Variants in PLCE1 observed in about 807,000 individuals in gnomAD.
The protein encoded by PLCE1 is 1-phosphatidylinositol 4,5-bisphosphate phosphodiesterase epsilon-1.
A neutral mutation model predicts 242.8 loss-of-function variants in PLCE1; 119 were observed. The observed-to-expected ratio is 0.49, with a 90% CI of 0.42 to 0.57. The LOEUF is 0.57. PLCE1 is among the 20% of genes least tolerant of loss of function. PLCE1 has a pLI of 0.00. For missense variants in PLCE1, 2,441 were observed against 2,788.8 expected (o/e 0.88, Z 2.81); for synonymous variants, 945 against 1,017.4 (o/e 0.93, Z 1.35).
At chr10:94,220,680 G>C (rs117581641) in intron 4 of PLCE1, among the ~76,000 whole-genome samples, 128 of 152,096 alleles carry the variant, frequency 8.4e-4, no homozygotes, top group Non-Finnish European at 1.7e-3. Context: ...TGCAGCAGCA[G>C]AGCAGTCACA....
rs1251575133 is a variant in PLCE1, at chr10:94,273,588, T to C, written c.4533T>C (p.Thr1511=). The change falls in exon 19 of 33, where the codon ACT becomes ACC. Residue 1511 remains threonine (T), a synonymous_variant. Coordinates refer to ENST00000371380, the MANE Select transcript of PLCE1 (RefSeq NM_016341.4). ...CTGTGTTTGGAGAAAAGCTGGTGAC[T>C]AAATTCTTATTTGAGACTGATTTCT... is the stretch of plus-strand genomic sequence containing the variant. The part of the protein sequence containing the change: ...FKTVFGEKLV[T]KFLFETDFSD... 3 of 1,613,770 alleles carry C rather than the reference T, an allele frequency of 1.9e-6. No individual in the cohort carries two copies. The highest frequency in any genetic ancestry group is 1.3e-5 in the African/African-American group (1 of 74,934).
intron 2 of PLCE1, among the ~76,000 whole-genome samples, chr10:94,063,653 C>G (rs1311439404): frequency 1.3e-5 from 2 of 152,004 alleles, no homozygotes; most frequent in Non-Finnish European, 2.9e-5. Flanking sequence ...GTGGCAAACA[C>G]GATGTGGTTC....
intron 2 of PLCE1, 76 bp downstream of exon 2, chr10:94,032,328 T>A: frequency 7.6e-7 from 1 of 1,320,254 alleles, no homozygotes; most frequent in Non-Finnish European, 1.1e-6. Context: ...ATTTCCATTG[T>A]CATAATTGAT....
At chr10:94,044,742 G>A in intron 2 of PLCE1, among the ~76,000 whole-genome samples, 1 of 152,186 alleles carries the variant, frequency 6.6e-6, no homozygotes, top group East Asian at 1.9e-4. Context: ...AACCTGCCCA[G>A]CCCCACATGG....
chr10:94,285,688 C>T (rs899406434), intron 22 of PLCE1, among the ~76,000 whole-genome samples: 2 of 152,106 alleles, frequency 1.3e-5, no homozygotes, highest in African/African-American at 2.4e-5. Context: ...CTCATTGGGT[C>T]CTTTACCAAT....
intron 4 of PLCE1, among the ~76,000 whole-genome samples, chr10:94,175,936 G>A (rs1179891594): frequency 6.6e-6 from 1 of 152,076 alleles, no homozygotes; most frequent in Non-Finnish European, 1.5e-5. Context: ...ATATATATGT[G>A]CTACATTTTC....
intron 26 of PLCE1, among the ~76,000 whole-genome samples, chr10:94,307,210 C>G (rs1228686078): frequency 6.6e-6 from 1 of 152,162 alleles, no homozygotes; most frequent in Non-Finnish European, 1.5e-5. Context: ...TCAGCCTGTG[C>G]ATTGTTTTTA....
chr10:94,242,027 G>T (rs749407846), intron 7 of PLCE1, among the ~76,000 whole-genome samples: 1 of 152,102 alleles, frequency 6.6e-6, no homozygotes, highest in Non-Finnish European at 1.5e-5. Context: ...GGCTCAGAGA[G>T]GTTGAGTGTT....
intron 2 of PLCE1, among the ~76,000 whole-genome samples, chr10:94,056,623 T>TA (rs1220337818): frequency 6.6e-6 from 1 of 152,186 alleles, no homozygotes; most frequent in African/African-American, 2.4e-5. Context: ...TCTTAGCCTT[T>TA]AAAAAATAAT....
chr10:94,056,061 G>T (rs1322510813), intron 2 of PLCE1, among the ~76,000 whole-genome samples: 1 of 152,190 alleles, frequency 6.6e-6, no homozygotes, highest in Non-Finnish European at 1.5e-5. Context: ...TCTGTAGTGT[G>T]GCTATTCTAT....
chr10:94,271,955 A>G (rs979238213), intron 18 of PLCE1, among the ~76,000 whole-genome samples: 6 of 152,194 alleles, frequency 3.9e-5, no homozygotes, highest in African/African-American at 1.4e-4. Flanking sequence ...AGTAGGTCAC[A>G]TGCTTCAAGG....
chr10:94,286,046 G>A (rs1196087856), intron 22 of PLCE1, among the ~76,000 whole-genome samples: 1 of 152,116 alleles, frequency 6.6e-6, no homozygotes, highest in African/African-American at 2.4e-5. Context: ...GCACCAGGGG[G>A]TAGAAGACAA....
Position 94,324,374 on chromosome 10 carries a change from A to G in PLCE1, c.6527A>G (p.Tyr2176Cys). ...QQTLCKAKYS[Y>C]SILSNPNPSD... ...ACCTTATGCAAAGCCAAATATTCCT[A>G]CAGCATCCTGAGCAACCCCAATCCA... Residue 2176 changes from tyrosine to cysteine, a missense_variant, in exon 31 of 33, where the codon TAC becomes TGC. Tyr to Cys is a radical substitution (Grantham distance 194). This residue lies in a region of PLCE1 where 310 missense variants were observed against 317.2 expected (regional missense o/e 0.98). Coordinates refer to ENST00000371380, the MANE Select transcript of PLCE1 (RefSeq NM_016341.4). 1 of 1,614,096 alleles carries G rather than the reference A, an allele frequency of 6.2e-7. No individual in the cohort carries two copies. The highest frequency in any genetic ancestry group is 8.5e-7 in the Non-Finnish European group (1 of 1,179,988).
chr10:94,138,505 G>T, intron 3 of PLCE1: 2 of 467,288 alleles, frequency 4.3e-6, no homozygotes, highest in Non-Finnish European at 4.3e-6. Flanking sequence ...CCGTAGTAAT[G>T]GAGATGTTCC....
chr10:94,254,881 T>C lies in PLCE1; in HGVS notation c.3398-12T>C. The C allele has an allele frequency of 3.7e-6, 6 of 1,613,856 alleles. No homozygotes were observed. The highest frequency in any genetic ancestry group is 5.1e-6 in the Non-Finnish European group (6 of 1,179,738). ...TGAGTCATTCTCTCTTTTCTGTCTT[T>C]CATCCTCACAGAGGTGAATGCCATC... On this transcript the variant is annotated splice_polypyrimidine_tract_variant and intron_variant, in intron 10 of 32. Coordinates refer to ENST00000371380, the MANE Select transcript of PLCE1 (RefSeq NM_016341.4).
At chr10:94,016,142 C>T (rs1420272347) in intron 1 of PLCE1, among the ~76,000 whole-genome samples, 1 of 152,042 alleles carries the variant, frequency 6.6e-6, no homozygotes, top group Non-Finnish European at 1.5e-5. Flanking sequence ...CCTTTTAAAA[C>T]ATAACATTTA....
chr10:94,080,983 A>G (rs966840545), intron 2 of PLCE1, among the ~76,000 whole-genome samples: 2 of 152,212 alleles, frequency 1.3e-5, no homozygotes, highest in African/African-American at 4.8e-5. Flanking sequence ...GACAATTGCC[A>G]CATGAATTGT....
At chr10:94,168,422 C>T (rs2047875447) in intron 3 of PLCE1, among the ~76,000 whole-genome samples, 1 of 152,162 alleles carries the variant, frequency 6.6e-6, no homozygotes. Context: ...TTTAAGGAAA[C>T]CTACATGAAA....
intron 4 of PLCE1, among the ~76,000 whole-genome samples, chr10:94,187,068 A>C: frequency 6.6e-6 from 1 of 151,842 alleles, no homozygotes; most frequent in South Asian, 2.1e-4. Context: ...AATGATAATA[A>C]TTAATAAGTA....
Sources: allele counts gnomAD v4.1 joint callset (sites outside exome capture counted in the v4.1 genomes callset), GRCh38; gene constraint gnomAD v4.1.1; regional missense constraint gnomAD v4.1.1; transcripts MANE v1.5; gene names NCBI Gene and HGNC (gene_info 2026-07-23, HGNC 2026-07-21).